MYT1L: variants seen among roughly 807,000 people sequenced by gnomAD.
MYT1L encodes the protein myelin transcription factor 1 like, also known as myelin transcription factor 1-like protein.
Under a neutral mutation model 126.7 loss-of-function variants are expected in MYT1L, and 12 were observed. The observed-to-expected ratio is 0.09, with a 90% CI of 0.06 to 0.15. The LOEUF (loss-of-function observed/expected upper bound fraction) is 0.15, where lower values mean the gene tolerates loss of function less well. MYT1L is among the 10% of genes least tolerant of loss of function. MYT1L has a pLI of 1.00. For missense variants in MYT1L, 979 were observed against 1,585.2 expected (o/e 0.62, Z 6.49); for synonymous variants, 541 against 604.2 (o/e 0.90, Z 1.53).
intron 1 of MYT1L, among the ~76,000 whole-genome samples, chr2:2,293,553 G>A (rs2095630275): frequency 6.6e-6 from 1 of 152,294 alleles, no homozygotes; most frequent in East Asian, 1.9e-4. Flanking sequence ...TTAGAAGAAC[G>A]AAGGCTTCCA....
At chr2:2,162,954 G>A (rs889917691) in intron 3 of MYT1L, among the ~76,000 whole-genome samples, 2 of 152,110 alleles carry the variant, frequency 1.3e-5, no homozygotes, top group African/African-American at 2.4e-5. Flanking sequence ...TTGGAAAGGT[G>A]GCAAATAAAT....
chr2:2,175,571 G>A (rs74650226), intron 2 of MYT1L, among the ~76,000 whole-genome samples: 15,469 of 151,970 alleles, frequency 0.1, 824 homozygotes, highest in East Asian at 0.13. Flanking sequence ...CCTGACAAAA[G>A]CCCACCTCAG....
chr2:2,234,550 G>T (rs544368509), intron 2 of MYT1L, among the ~76,000 whole-genome samples: 1 of 152,152 alleles, frequency 6.6e-6, no homozygotes, highest in African/African-American at 2.4e-5. Context: ...GCAGTGTGGC[G>T]TGGAACCCCT....
chr2:1,884,952 C>T (rs1300013904), intron 18 of MYT1L, among the ~76,000 whole-genome samples: 3 of 152,152 alleles, frequency 2.0e-5, no homozygotes, highest in Non-Finnish European at 2.9e-5. Context: ...CAAGTTGGCT[C>T]GGAATTTCAA....
rs1573603919 is a variant in MYT1L at position 1,922,977 on chromosome 2, G to A, written c.792C>T (p.Ser264=). The A allele has an allele frequency of 6.2e-7, 1 of 1,613,998 alleles. No individual in the cohort carries two copies. The highest frequency in any genetic ancestry group is 2.2e-5 in the East Asian group (1 of 44,880). Residue 264 remains serine (S), a synonymous_variant, in exon 10 of 25, where the codon TCC becomes TCT. Coordinates refer to ENST00000647738, the MANE Select transcript of MYT1L (RefSeq NM_001303052.2). This position sits in a 1 kb window ranked among gnomAD's most constrained non-coding sequence, Gnocchi z 7.4. ...DSDVVRETVD[S]LKLLAQGHGV... ...CGTGTCCTTGGGCTAATAGTTTAAGGGAGTCCACTGTTTCTCTAACAACAT... is the reference window on the plus strand; with the variant it reads ...CGTGTCCTTGGGCTAATAGTTTAAGAGAGTCCACTGTTTCTCTAACAACAT...
chr2:1,830,392 C>G (rs2039975042), intron 21 of MYT1L, among the ~76,000 whole-genome samples: 1 of 152,172 alleles, frequency 6.6e-6, no homozygotes. Flanking sequence ...AGAGCTCTGT[C>G]TGGCCCATAA....
intron 3 of MYT1L, among the ~76,000 whole-genome samples, chr2:2,154,868 T>C (rs190787495): frequency 4.8e-4 from 73 of 152,330 alleles, no homozygotes; most frequent in African/African-American, 1.6e-3. Flanking sequence ...GGCTCATGCC[T>C]ATAATCCCAA....
intron 3 of MYT1L, among the ~76,000 whole-genome samples, chr2:2,126,081 G>A (rs1034700780): frequency 3.9e-5 from 6 of 152,204 alleles, no homozygotes; most frequent in African/African-American, 1.4e-4. Context: ...AAAGGGGAGA[G>A]TAGGGGCGGG....
At chr2:2,251,971 A>C (rs1310191732) in intron 2 of MYT1L, among the ~76,000 whole-genome samples, 4 of 152,304 alleles carry the variant, frequency 2.6e-5, no homozygotes, top group Non-Finnish European at 5.9e-5. Context: ...CAAGGCAGGC[A>C]ATGGGGAACA....
At chr2:1,877,423 C>T (rs953454741) in intron 18 of MYT1L, among the ~76,000 whole-genome samples, 9 of 152,060 alleles carry the variant, frequency 5.9e-5, no homozygotes, top group Non-Finnish European at 1.0e-4. Flanking sequence ...TTTTCTTTCT[C>T]AATTTTTTGA....
intron 22 of MYT1L, among the ~76,000 whole-genome samples, chr2:1,802,936 C>T (rs1226743131): frequency 6.6e-6 from 1 of 152,128 alleles, no homozygotes; most frequent in Non-Finnish European, 1.5e-5. Flanking sequence ...TCCTAGGACT[C>T]CCAGTGGGTA....
chr2:2,069,406 C>A (rs2074311200), intron 3 of MYT1L, among the ~76,000 whole-genome samples: 1 of 152,264 alleles, frequency 6.6e-6, no homozygotes, highest in South Asian at 2.1e-4. Flanking sequence ...ATGAACTCAT[C>A]CTTTTTTATG....
At chr2:2,174,147 GAGTT>G (rs1289657835) in intron 2 of MYT1L, among the ~76,000 whole-genome samples, 1 of 152,200 alleles carries the variant, frequency 6.6e-6, no homozygotes, top group Non-Finnish European at 1.5e-5. Flanking sequence ...ATTTGAATGA[GAGTT>G]AGCGTATTCG....
chr2:1,864,255 C>T (rs1330871127), intron 18 of MYT1L, among the ~76,000 whole-genome samples: 3 of 152,132 alleles, frequency 2.0e-5, no homozygotes, highest in East Asian at 1.9e-4. Flanking sequence ...CTCCCCAACA[C>T]GCAGAAAGAA....
chr2:2,135,453 T>A (rs770422983), intron 3 of MYT1L, among the ~76,000 whole-genome samples: 2 of 152,226 alleles, frequency 1.3e-5, no homozygotes, highest in Non-Finnish European at 2.9e-5. Context: ...GTCTCAGGTA[T>A]GTCTTTATTA....
intron 3 of MYT1L, among the ~76,000 whole-genome samples, chr2:2,147,347 C>G (rs73913215): frequency 1.3e-5 from 2 of 152,308 alleles, no homozygotes; most frequent in South Asian, 2.1e-4. Flanking sequence ...TGAGAGGGTG[C>G]GAGCACACAG....
At chr2:2,243,691 A>C (rs1169922004) in intron 2 of MYT1L, among the ~76,000 whole-genome samples, 2 of 152,202 alleles carry the variant, frequency 1.3e-5, no homozygotes, top group African/African-American at 4.8e-5. Context: ...CATAAGACTC[A>C]TATGGTAGCA....
chr2:1,905,230 T>G (rs2148976722), intron 13 of MYT1L, among the ~76,000 whole-genome samples: 1 of 152,340 alleles, frequency 6.6e-6, no homozygotes, highest in East Asian at 1.9e-4. Context: ...GAGTTTCTTG[T>G]TGAATTTTTA....
At chr2:1,947,677 T>C (rs2057361310) in intron 8 of MYT1L, among the ~76,000 whole-genome samples, 3 of 152,118 alleles carry the variant, frequency 2.0e-5, no homozygotes, top group Admixed American at 6.5e-5. Context: ...CCATTAGAAC[T>C]TGCTGGGCAT....
Sources: allele counts gnomAD v4.1 joint callset (sites outside exome capture counted in the v4.1 genomes callset), GRCh38; gene constraint gnomAD v4.1.1; non-coding constraint Gnocchi (gnomAD v3.1); transcripts MANE v1.5; gene names NCBI Gene and HGNC (gene_info 2026-07-23, HGNC 2026-07-21).